CAPN8: variants seen among roughly 807,000 people sequenced by gnomAD.
CAPN8 encodes calpain-8.
CAPN8 carries 87 observed loss-of-function variants against 80.9 expected under a neutral mutation model. That is an observed-to-expected ratio of 1.07 (90% CI 0.90 to 1.28). CAPN8 has a LOEUF of 1.28. Among genes scored for constraint, CAPN8 ranks in the 50% most tolerant of loss-of-function variants. The pLI is 0.00. For missense variants in CAPN8, 757 were observed against 702.0 expected, an observed-to-expected ratio of 1.08 and a Z score of -0.89; for synonymous variants, 299 against 273.8, an observed-to-expected ratio of 1.09 and a Z score of -0.91.
chr1:223,640,359 A>G (rs1658012632), intron 2 of CAPN8, among the ~76,000 whole-genome samples: 1 of 152,226 alleles, frequency 6.6e-6, no homozygotes, highest in Admixed American at 6.5e-5. Flanking sequence ...AAGTGAATCA[A>G]CAAATGTTTA....
intron 9 of CAPN8, chr1:223,617,872 A>G (rs911461971): frequency 1.1e-5 from 2 of 186,572 alleles, no homozygotes; most frequent in South Asian, 3.1e-4. Context: ...GTCTAAATCA[A>G]GCAACAAGGG....
intron 13 of CAPN8, among the ~76,000 whole-genome samples, chr1:223,556,586 T>C (rs1195920862): frequency 3.3e-5 from 5 of 152,154 alleles, no homozygotes; most frequent in Non-Finnish European, 7.4e-5. Context: ...GTAACCAATG[T>C]GGACCCATGA....
intron 7 of CAPN8, among the ~76,000 whole-genome samples, chr1:223,621,442 G>C: frequency 6.6e-6 from 1 of 152,120 alleles, no homozygotes; most frequent in East Asian, 1.9e-4. Flanking sequence ...AGGGAAAGGA[G>C]AGAAAGTCAA....
intron 1 of CAPN8, among the ~76,000 whole-genome samples, chr1:223,657,864 C>T (rs902852302): frequency 1.2e-4 from 18 of 152,284 alleles, no homozygotes; most frequent in African/African-American, 4.1e-4. Flanking sequence ...CTTCATAAAA[C>T]TCCTCTCACC....
At chr1:223,660,154 TC>T in intron 1 of CAPN8, among the ~76,000 whole-genome samples, 1 of 152,298 alleles carries the variant, frequency 6.6e-6, no homozygotes, top group Middle Eastern at 3.4e-3. Flanking sequence ...TTAAACTAGG[TC>T]CTTATTATGC....
chr1:223,629,012 TC>T (rs1657691631), intron 2 of CAPN8: 3 of 511,878 alleles, frequency 5.9e-6, no homozygotes, highest in Middle Eastern at 5.1e-4. Context: ...GGCTGCCCCC[TC>T]CCCCACATGC....
At chr1:223,637,179 A>G (rs1657915048) in intron 2 of CAPN8, among the ~76,000 whole-genome samples, 1 of 152,198 alleles carries the variant, frequency 6.6e-6, no homozygotes, top group Non-Finnish European at 1.5e-5. Flanking sequence ...CATTCCCTCC[A>G]AATGATACAG....
rs947415949 is a variant in CAPN8 at position 223,558,528 on chromosome 1, A to C, written c.1536-361T>G. On this transcript the variant is annotated intron_variant, in intron 12 of 20. Transcript: ENST00000366872. ...CCTGTAGAAATGTCCTCTGGGGGCT[A>C]AGCCAGCAAGCCCACAGCCCTTGCA... is the stretch of plus-strand genomic sequence containing the variant. Among the ~76,000 whole-genome samples the C allele has an allele frequency of 4.7e-3, 714 of 152,308 alleles. 5 individuals carry two copies. Among genetic ancestry groups the C allele is most frequent in the African/African-American group, 0.017 (693 of 41,550 alleles).
At chr1:223,654,822 C>T (rs921117376) in intron 1 of CAPN8, among the ~76,000 whole-genome samples, 3 of 150,434 alleles carry the variant, frequency 2.0e-5, no homozygotes, top group Admixed American at 1.3e-4. Flanking sequence ...ATTACAGGCA[C>T]GTGCCACCAC....
At chr1:223,662,640 A>G (rs1658677917) in intron 1 of CAPN8, among the ~76,000 whole-genome samples, 1 of 152,230 alleles carries the variant, frequency 6.6e-6, no homozygotes, top group South Asian at 2.1e-4. Context: ...CTGTGCATTT[A>G]GAAGGGGTTA....
chr1:223,553,976 C>T (rs1257726466), intron 13 of CAPN8, 76 bp from the exon 14 acceptor site: 7 of 397,924 alleles, frequency 1.8e-5, no homozygotes, highest in Non-Finnish European at 3.1e-5. Context: ...AAAATTCATT[C>T]CTTCATCCAT....
rs182581575 is a variant in CAPN8 at position 223,635,265 on chromosome 1, C to A, written c.308-6485G>T. ...AGCAGTCACAGAGCCTCCCTTCCCCCACTTGGTGAACACGCCTTTTGAAGC... is the reference window on the plus strand; with the variant it reads ...AGCAGTCACAGAGCCTCCCTTCCCCAACTTGGTGAACACGCCTTTTGAAGC... On this transcript the variant is annotated intron_variant, in intron 2 of 20. Transcript: ENST00000366872. Among the ~76,000 whole-genome samples, 233 of 152,320 alleles carry A rather than the reference C, an allele frequency of 1.5e-3. 1 individual carries two copies. The highest frequency in any genetic ancestry group is 2.3e-3 in the Non-Finnish European group (159 of 68,020).
intron 5 of CAPN8, among the ~76,000 whole-genome samples, chr1:223,626,329 CA>C (rs1342415278): frequency 2.0e-5 from 3 of 152,092 alleles, no homozygotes; most frequent in African/African-American, 7.2e-5. Flanking sequence ...CACCAAAAAC[CA>C]CATCTCCTGC....
At chr1:223,622,399 T>G (rs1045931137) in intron 7 of CAPN8, among the ~76,000 whole-genome samples, 33 of 152,318 alleles carry the variant, frequency 2.2e-4, no homozygotes, top group Non-Finnish European at 4.1e-4. Context: ...GGGTCAAATT[T>G]CATTTTCTCA....
intron 2 of CAPN8, among the ~76,000 whole-genome samples, chr1:223,644,819 C>T (rs1658144556): frequency 6.6e-6 from 1 of 152,152 alleles, no homozygotes; most frequent in African/African-American, 2.4e-5. Context: ...GCCTACTTTA[C>T]TCATTTATGT....
At chr1:223,558,264 T>C (rs1656949585) in intron 12 of CAPN8, 97 bp from the exon 13 acceptor site, 1 of 397,348 alleles carries the variant, frequency 2.5e-6, no homozygotes, top group Non-Finnish European at 4.4e-6. Context: ...TCCTGAGAGA[T>C]TGGGCTCGCA....
chr1:223,631,384 C>T (rs1336773846), intron 2 of CAPN8, among the ~76,000 whole-genome samples: 1 of 152,156 alleles, frequency 6.6e-6, no homozygotes, highest in Non-Finnish European at 1.5e-5. Context: ...CTTGGCAGAG[C>T]TTTCCTTACC....
At chr1:223,544,239 C>A in intron 18 of CAPN8, 56 bp from the exon 19 acceptor site, 1 of 707,036 alleles carries the variant, frequency 1.4e-6, no homozygotes, top group South Asian at 1.5e-5. Context: ...GCACTGTCTC[C>A]CATAAACACT....
At chr1:223,547,169 C>T (rs951147036) in intron 16 of CAPN8, among the ~76,000 whole-genome samples, 1 of 152,204 alleles carries the variant, frequency 6.6e-6, no homozygotes, top group African/African-American at 2.4e-5. Context: ...ACCAGTGCCA[C>T]CCAAAGTGCT....
Sources: gnomAD v4.1 joint callset for allele counts (sites outside exome capture counted in the v4.1 genomes callset) on GRCh38, gnomAD v4.1.1 for gene constraint, MANE v1.5 for transcripts, NCBI Gene and HGNC (gene_info 2026-07-23, HGNC 2026-07-21) for gene names.